Variants in PCNX1 observed in about 807,000 individuals in gnomAD.
PCNX1 encodes the protein pecanex 1.
PCNX1 carries 78 observed loss-of-function variants against 242.2 expected under a neutral mutation model. That is an observed-to-expected ratio of 0.32 (90% CI 0.27 to 0.39). The LOEUF (loss-of-function observed/expected upper bound fraction) is 0.39. Ranked by LOEUF, PCNX1 falls within the 10% of genes least tolerant of loss-of-function variation. The probability of loss-of-function intolerance (pLI) is 1.00; values close to 1 mark genes in which losing one functional copy is unlikely to be tolerated. For missense variants in PCNX1, 2,581 were observed against 2,856.5 expected, an observed-to-expected ratio of 0.90 and a Z score of 2.20; for synonymous variants, 1,024 against 1,032.9, an observed-to-expected ratio of 0.99 and a Z score of 0.17.
At chr14:71,060,554 A>C (rs1362521578) in intron 26 of PCNX1, 2 of 152,200 alleles carry the variant, frequency 1.3e-5, no homozygotes, top group East Asian at 1.9e-4. Flanking sequence ...GTTGCCAGGA[A>C]GAGGCCACAT....
At chr14:70,998,750 C>CAAAAAA (rs34044438) in intron 8 of PCNX1, among the ~76,000 whole-genome samples, 5 of 89,064 alleles carry the variant, frequency 5.6e-5, no homozygotes, top group Admixed American at 1.2e-4. Context: ...GACCCTATCT[C>CAAAAAA]AAAAAAAAAA....
chr14:70,983,341 A>T (rs894929136), intron 6 of PCNX1, among the ~76,000 whole-genome samples: 1 of 151,762 alleles, frequency 6.6e-6, no homozygotes, highest in African/African-American at 2.4e-5. Context: ...GTCTCACTCT[A>T]TTGTCCAGGC....
chr14:71,078,287 C>T (rs1228375539), intron 28 of PCNX1, among the ~76,000 whole-genome samples: 1 of 152,178 alleles, frequency 6.6e-6, no homozygotes, highest in Non-Finnish European at 1.5e-5. Context: ...TCAACATTCC[C>T]AGAATAACCT....
intron 28 of PCNX1, among the ~76,000 whole-genome samples, chr14:71,084,585 C>A (rs768515942): frequency 4.0e-5 from 6 of 151,060 alleles, no homozygotes; most frequent in Non-Finnish European, 8.9e-5. Context: ...GCTACAGTGG[C>A]TTTGCTGAGC....
intron 2 of PCNX1, among the ~76,000 whole-genome samples, chr14:70,951,134 A>C (rs954761179): frequency 2.0e-5 from 3 of 152,116 alleles, no homozygotes; most frequent in Admixed American, 1.3e-4. Flanking sequence ...GTTTATCACA[A>C]CACCATTCAT....
At chr14:70,957,089 G>A (rs1016277206) in intron 2 of PCNX1, among the ~76,000 whole-genome samples, 4 of 151,840 alleles carry the variant, frequency 2.6e-5, no homozygotes, top group Admixed American at 2.6e-4. Context: ...TTTACCTCCC[G>A]GGCTAAATCT....
intron 8 of PCNX1, among the ~76,000 whole-genome samples, chr14:71,003,902 C>T (rs922721378): frequency 1.3e-5 from 2 of 152,196 alleles, no homozygotes; most frequent in African/African-American, 4.8e-5. Flanking sequence ...GCTAGAACAG[C>T]ATTGCACATA....
At chr14:71,064,836 C>T (rs1269134487) in intron 26 of PCNX1, among the ~76,000 whole-genome samples, 5 of 152,098 alleles carry the variant, frequency 3.3e-5, no homozygotes, top group African/African-American at 2.4e-5. Flanking sequence ...TCTCACTGTT[C>T]GGCTCCCACT....
At chr14:70,922,151 A>G (rs2056403465) in intron 1 of PCNX1, among the ~76,000 whole-genome samples, 1 of 152,234 alleles carries the variant, frequency 6.6e-6, no homozygotes, top group South Asian at 2.1e-4. Flanking sequence ...GGATAATAGT[A>G]CAACTTATAT....
intron 26 of PCNX1, among the ~76,000 whole-genome samples, chr14:71,063,399 T>C (rs971236183): frequency 1.3e-5 from 2 of 152,324 alleles, no homozygotes; most frequent in Non-Finnish European, 2.9e-5. Context: ...ATGTACTTCA[T>C]TTATCATTAT....
intron 31 of PCNX1, 129 bp downstream of exon 31, chr14:71,102,349 A>C (rs1051158222): frequency 3.2e-6 from 2 of 628,502 alleles, no homozygotes; most frequent in Non-Finnish European, 5.6e-6. Flanking sequence ...TCATGGGCTT[A>C]CTGCAGGCTC....
rs1057025296 is a variant in PCNX1, at chr14:71,076,564, G to C, written c.5337+145G>C. ...TAAGATAACCTAACTGGTTCATTAT[G>C]GTTGGGCCAAACCAGCTCTGCCAAA... On this transcript the variant is annotated intron_variant, in intron 28 of 35. Transcript: ENST00000304743. 8.0e-6 allele frequency: 5 copies of C among 626,704 alleles called. No individual in the cohort carries two copies. The Admixed American group carries it at 1.4e-4, about 18-fold the overall frequency. The allele number at this position is 626,704 out of a possible 1,614,324, so 38.8% of individuals were successfully genotyped here. A position where few individuals can be genotyped will look rare whatever the true frequency, so the allele number is the denominator to read the frequency against.
At chr14:70,908,132 C>A (rs2139961454) in intron 1 of PCNX1, 129 bp downstream of exon 1, 1 of 820,360 alleles carries the variant, frequency 1.2e-6, no homozygotes, top group East Asian at 3.4e-5. Context: ...GTGTGAGGCT[C>A]CCCGCCCCCA....
At chr14:70,933,505 A>C (rs1344872847) in intron 1 of PCNX1, among the ~76,000 whole-genome samples, 1 of 152,194 alleles carries the variant, frequency 6.6e-6, no homozygotes, top group East Asian at 1.9e-4. Flanking sequence ...TCTATAAATG[A>C]GGTTTTATTG....
chr14:70,973,698 TAATC>T (rs938863501), intron 5 of PCNX1, among the ~76,000 whole-genome samples: 3 of 152,130 alleles, frequency 2.0e-5, no homozygotes, highest in African/African-American at 7.2e-5. Context: ...TTATTATCCA[TAATC>T]AATTGATAGG....
chr14:71,026,768 A>G lies in PCNX1; in HGVS notation c.3356-4A>G, dbSNP rs756954464. 1.6e-6 allele frequency: 2 copies of G among 1,274,746 alleles called. No homozygotes were observed. Among genetic ancestry groups the G allele is most frequent in the Non-Finnish European group, 2.3e-6 (2 of 882,288 alleles). The allele number at this position is 1,274,746 out of a possible 1,614,324, so 79.0% of individuals were successfully genotyped here. ...TTAAAATATACTTTTCTTTCTTTTT[A>G]TAGTGTTTACACTCTGTTTCCCAAT... On this transcript the variant is annotated splice_region_variant and splice_polypyrimidine_tract_variant and intron_variant, in intron 14 of 35. Transcript: ENST00000304743.
At chr14:71,040,350 A>G (rs72724351) in intron 19 of PCNX1, among the ~76,000 whole-genome samples, 11,843 of 152,162 alleles carry the variant, frequency 0.078, 527 homozygotes, top group Middle Eastern at 0.17. Context: ...ATTGCTATGT[A>G]GATAACTTTT....
chr14:70,942,139 G>C (rs541555054), intron 1 of PCNX1, among the ~76,000 whole-genome samples: 1 of 152,056 alleles, frequency 6.6e-6, no homozygotes, highest in Non-Finnish European at 1.5e-5. Context: ...CCCACCGTCC[G>C]ACAGGCCCCA....
At chr14:71,018,864 G>A (rs2060023927) in intron 11 of PCNX1, 145 bp from the exon 12 acceptor site, 3 of 588,582 alleles carry the variant, frequency 5.1e-6, no homozygotes, top group Admixed American at 3.3e-5. Context: ...TTTTCAGTAT[G>A]ATCTAAAACC....
Sources: allele counts gnomAD v4.1 joint callset (sites outside exome capture counted in the v4.1 genomes callset), GRCh38; gene constraint gnomAD v4.1.1; transcripts MANE v1.5; gene names NCBI Gene and HGNC (gene_info 2026-07-23, HGNC 2026-07-21).